The following PARD3 variants were observed in gnomAD, a reference collection of about 807,000 sequenced individuals.
PARD3 encodes par-3 family cell polarity regulator.
In PARD3, 75 loss-of-function variants were observed where a neutral mutation model predicts 155.4. The ratio of observed to expected loss-of-function variants is 0.48; its 90% CI spans 0.40 to 0.58. PARD3 has a LOEUF of 0.58. Among genes scored for constraint, PARD3 ranks in the 20% least tolerant of loss-of-function variants. The pLI is 0.00. For synonymous variants in PARD3, 576 were observed against 610.5 expected (o/e 0.94, Z 0.83); for missense variants, 1,642 against 1,721.7 (o/e 0.95, Z 0.82).
At chr10:34,417,976 C>G (rs920077859) in intron 5 of PARD3, among the ~76,000 whole-genome samples, 2 of 152,016 alleles carry the variant, frequency 1.3e-5, no homozygotes, top group Non-Finnish European at 2.9e-5. Context: ...TTCATAAAAA[C>G]TTAAGTTCAT....
At chr10:34,208,480 G>C (rs1044624664) in intron 22 of PARD3, among the ~76,000 whole-genome samples, 1 of 152,322 alleles carries the variant, frequency 6.6e-6, no homozygotes. Flanking sequence ...AGGACCACCA[G>C]GGGAATGCCA....
At chr10:34,181,077 C>T (rs1355672674) in intron 22 of PARD3, among the ~76,000 whole-genome samples, 1 of 152,186 alleles carries the variant, frequency 6.6e-6, no homozygotes, top group Non-Finnish European at 1.5e-5. Flanking sequence ...TTACTACCAT[C>T]TTGATAGACT....
chr10:34,628,126 T>C (rs1256771345), intron 2 of PARD3, among the ~76,000 whole-genome samples: 1 of 152,226 alleles, frequency 6.6e-6, no homozygotes, highest in Non-Finnish European at 1.5e-5. Flanking sequence ...GGGAATACTT[T>C]CCAAACTCTG....
At chr10:34,451,542 G>A (rs189663535) in intron 4 of PARD3, among the ~76,000 whole-genome samples, 100 of 152,234 alleles carry the variant, frequency 6.6e-4, no homozygotes, top group African/African-American at 2.2e-3. Context: ...CTTAGTTATA[G>A]ATCAGGATAC....
intron 16 of PARD3, among the ~76,000 whole-genome samples, chr10:34,340,274 T>TAGAG (rs1836664880): frequency 1.3e-5 from 2 of 152,210 alleles, no homozygotes; most frequent in Non-Finnish European, 2.9e-5. Flanking sequence ...CTCATCATGG[T>TAGAG]AGAGATTTAA....
At chr10:34,190,193 T>C (rs1212800256) in intron 22 of PARD3, among the ~76,000 whole-genome samples, 1 of 152,216 alleles carries the variant, frequency 6.6e-6, no homozygotes, top group Admixed American at 6.5e-5. Flanking sequence ...ACTTGTCAAG[T>C]TTTGATCCAG....
chr10:34,579,570 G>GTGTGTA (rs1554775607), intron 2 of PARD3, among the ~76,000 whole-genome samples: 3 of 138,336 alleles, frequency 2.2e-5, no homozygotes, highest in African/African-American at 6.1e-5. Context: ...GTGTGTGTGT[G>GTGTGTA]TGTGTGTGTG....
chr10:34,707,935 T>G (rs1304467519), intron 1 of PARD3, among the ~76,000 whole-genome samples: 1 of 152,178 alleles, frequency 6.6e-6, no homozygotes, highest in Non-Finnish European at 1.5e-5. Context: ...GCCAGGAAAT[T>G]TTTATGCAAC....
chr10:34,313,728 G>A (rs1957828444), intron 20 of PARD3, among the ~76,000 whole-genome samples: 1 of 152,130 alleles, frequency 6.6e-6, no homozygotes, highest in Non-Finnish European at 1.5e-5. Flanking sequence ...CAACCTGTTG[G>A]GGTAGGAATA....
chr10:34,658,883 G>C (rs888819048), intron 2 of PARD3, among the ~76,000 whole-genome samples: 1 of 152,142 alleles, frequency 6.6e-6, no homozygotes, highest in Non-Finnish European at 1.5e-5. Context: ...CAAAACACCA[G>C]AGCCCATTCA....
chr10:34,623,345 TTATTTAATGG>T (rs1200987208), intron 2 of PARD3, among the ~76,000 whole-genome samples: 2 of 152,206 alleles, frequency 1.3e-5, no homozygotes, highest in African/African-American at 4.8e-5. Flanking sequence ...TAGATATGCA[TTATTTAATGG>T]TACTACTACA....
chr10:34,355,958 C>CAAAAAAAAAAAAAA (rs1491326864), intron 14 of PARD3, among the ~76,000 whole-genome samples: 4 of 116,196 alleles, frequency 3.4e-5, no homozygotes, highest in African/African-American at 1.8e-4. Context: ...AAAACAAAAC[C>CAAAAAAAAAAAAAA]AAACAAAAAA....
intron 1 of PARD3, among the ~76,000 whole-genome samples, chr10:34,770,777 T>C (rs1838756737): frequency 6.6e-6 from 1 of 152,156 alleles, no homozygotes; most frequent in South Asian, 2.1e-4. Context: ...CCTAGGGGTA[T>C]CACCTGCAAT....
intron 1 of PARD3, among the ~76,000 whole-genome samples, chr10:34,814,177 G>C (rs972629974): frequency 3.3e-5 from 5 of 152,322 alleles, no homozygotes; most frequent in African/African-American, 1.2e-4. Flanking sequence ...CCAGCAAGTG[G>C]GATCAGCTCA....
At chr10:34,381,912 C>CAAAAAAAAAAAAAAAAAAAAAAAAAAA (rs202053812) in intron 9 of PARD3, among the ~76,000 whole-genome samples, 28 of 71,876 alleles carry the variant, frequency 3.9e-4, no homozygotes, top group African/African-American at 8.9e-4. Context: ...GGCCCTGTCT[C>CAAAAAAAAAAAAAAAAAAAAAAAAAAA]AAAAAAAAAA....
intron 22 of PARD3, among the ~76,000 whole-genome samples, chr10:34,157,342 G>A (rs1307572599): frequency 1.3e-5 from 2 of 152,082 alleles, no homozygotes; most frequent in Admixed American, 6.6e-5. Flanking sequence ...GCCTCTCTCC[G>A]GAATTAAGAA....
At chr10:34,267,582 T>C (rs1391597792) in intron 22 of PARD3, among the ~76,000 whole-genome samples, 2 of 152,216 alleles carry the variant, frequency 1.3e-5, no homozygotes, top group East Asian at 3.8e-4. Flanking sequence ...ACATTTGCTA[T>C]TTTTAAAAAT....
chr10:34,189,168 CAAAAAT>C (rs528796174), intron 22 of PARD3, among the ~76,000 whole-genome samples: 4 of 151,758 alleles, frequency 2.6e-5, no homozygotes, highest in Non-Finnish European at 5.9e-5. Flanking sequence ...CCTGTCTCTA[CAAAAAT>C]AAAAATAAAA....
intron 15 of PARD3, chr10:34,344,289 T>A (rs1011001446): frequency 1.0e-6 from 1 of 981,322 alleles, no homozygotes; most frequent in East Asian, 1.1e-4. Flanking sequence ...TGTTTTTTTT[T>A]TTTTTTTTTT....
Sources: allele counts gnomAD v4.1 joint callset (sites outside exome capture counted in the v4.1 genomes callset), GRCh38; gene constraint gnomAD v4.1.1; transcripts MANE v1.5; gene names NCBI Gene and HGNC (gene_info 2026-07-23, HGNC 2026-07-21).